The following ARHGAP20 variants were observed in gnomAD, a reference collection of about 807,000 sequenced individuals.
ARHGAP20 encodes rho GTPase-activating protein 20.
In ARHGAP20, 34 loss-of-function variants were observed where a neutral mutation model predicts 73.7. That is an observed-to-expected ratio of 0.46 (90% CI 0.35 to 0.61). The LOEUF is 0.61. Ranked by LOEUF, ARHGAP20 falls within the 20% of genes least tolerant of loss-of-function variation. ARHGAP20 has a pLI of 0.00. For synonymous variants in ARHGAP20, 523 were observed against 518.2 expected, an observed-to-expected ratio of 1.01 and a Z score of -0.13; for missense variants, 1,314 against 1,420.9, an observed-to-expected ratio of 0.92 and a Z score of 1.21.
chr11:110,709,570 G>C lies in ARHGAP20; in HGVS notation c.105+2557C>G, dbSNP rs561265406. On this transcript the variant is annotated intron_variant, in intron 1 of 14. Coordinates refer to ENST00000683387, the MANE Select transcript of ARHGAP20 (RefSeq NM_001384657.1). ...GGTAGTCAATGGCAGGCCTCTGCTA[G>C]AACCTACGATCTGACAATAATATGA... is the stretch of plus-strand genomic sequence containing the variant. Among the ~76,000 whole-genome samples, 4 of 152,300 alleles carry C rather than the reference G, an allele frequency of 2.6e-5. 1 individual carries two copies. Among genetic ancestry groups the C allele is most frequent in the African/African-American group, 9.6e-5 (4 of 41,570 alleles).
At chr11:110,616,507 A>G (rs4937997) in intron 4 of ARHGAP20, among the ~76,000 whole-genome samples, 50,415 of 151,912 alleles carry the variant, frequency 0.33, 8,916 homozygotes, top group African/African-American at 0.44. Flanking sequence ...TTGAGTAGTT[A>G]GGGCTACAGA....
chr11:110,593,127 G>C (rs1199094049), intron 9 of ARHGAP20, among the ~76,000 whole-genome samples: 2 of 152,130 alleles, frequency 1.3e-5, no homozygotes, highest in Non-Finnish European at 2.9e-5. Flanking sequence ...ATCTGGCATA[G>C]TGCCTTCCAT....
chr11:110,601,967 A>G (rs1948121317), intron 9 of ARHGAP20, among the ~76,000 whole-genome samples: 1 of 148,360 alleles, frequency 6.7e-6, no homozygotes, highest in African/African-American at 2.6e-5. Flanking sequence ...GGCGATAAGA[A>G]TGAGACTTTT....
chr11:110,577,919 T>TAAGA lies in ARHGAP20; in HGVS notation c.*1447_*1450dup, dbSNP rs1339720822. 1 of 985,584 alleles carries TAAGA rather than the reference T, an allele frequency of 1.0e-6. No homozygotes were observed. The highest frequency in any genetic ancestry group is 1.7e-5 in the African/African-American group (1 of 57,226). The allele number at this position is 985,584 out of a possible 1,614,324, so 61.1% of individuals were successfully genotyped here. On this transcript the variant is annotated 3_prime_UTR_variant, in exon 15 of 15. Coordinates refer to ENST00000683387, the MANE Select transcript of ARHGAP20 (RefSeq NM_001384657.1). The stretch of plus-strand genomic sequence containing the variant: ...GATATGACCATTTTCTGGTGATTAA[T>TAAGA]AAGACAAATAATTTGGAATAAGCTA...
At position 110,577,543 on chromosome 11, in the gene ARHGAP20, G is replaced by T. The variant is rs1181626282; in HGVS notation, c.*1827C>A. On this transcript the variant is annotated 3_prime_UTR_variant, in exon 15 of 15. Transcript: ENST00000683387. ...TTAAGAGCTTCATTCACATCTTGCA[G>T]TTCTGACTGACAGTAGTATGCCCTA... 1.0e-6 allele frequency: 1 copy of T among 991,908 alleles called. No individual in the cohort carries two copies. Among genetic ancestry groups the T allele is most frequent in the Admixed American group, 6.1e-5 (1 of 16,380 alleles). 61.4% of individuals were successfully genotyped at this position (991,908 alleles called of 1,614,324 possible).
At position 110,606,002 on chromosome 11, in the gene ARHGAP20, T is replaced by C. The variant is rs1478377087; in HGVS notation, c.964+559A>G. Among the ~76,000 whole-genome samples the C allele has an allele frequency of 2.0e-5, 3 of 152,370 alleles. No individual in the cohort carries two copies. In the East Asian group the frequency reaches 5.8e-4, roughly 29 times the overall value. On this transcript the variant is annotated intron_variant, in intron 9 of 14. Transcript: ENST00000683387. ...TGGGTTAGGGCAAATTACAGTTCTC[T>C]TATATTGAAGATCACTTTTATCATT...
At chr11:110,711,937 G>A (rs571981638) in intron 1 of ARHGAP20, 190 bp downstream of exon 1, 126 of 1,254,264 alleles carry the variant, frequency 1.0e-4, no homozygotes, top group East Asian at 6.0e-4. Context: ...CGCTCTGCGG[G>A]AGGCGGCGGC....
chr11:110,585,032 T>TATAA (rs377538550), intron 12 of ARHGAP20, among the ~76,000 whole-genome samples: 1 of 146,476 alleles, frequency 6.8e-6, no homozygotes, highest in African/African-American at 2.6e-5. Flanking sequence ...TATGTGAATA[T>TATAA]ATGTGAATAT....
intron 2 of ARHGAP20, among the ~76,000 whole-genome samples, chr11:110,675,406 G>A (rs536479680): frequency 3.9e-5 from 6 of 152,250 alleles, no homozygotes; most frequent in South Asian, 4.1e-4. Context: ...TATATCATCC[G>A]TTGTCTCTGC....
intron 11 of ARHGAP20, among the ~76,000 whole-genome samples, chr11:110,587,830 T>G (rs1214725993): frequency 6.6e-6 from 1 of 152,220 alleles, no homozygotes; most frequent in African/African-American, 2.4e-5. Flanking sequence ...TGTTCTATTA[T>G]ATCTTCTAGC....
At chr11:110,592,830 A>T (rs977506774) in intron 9 of ARHGAP20, among the ~76,000 whole-genome samples, 2 of 152,204 alleles carry the variant, frequency 1.3e-5, no homozygotes, top group African/African-American at 4.8e-5. Context: ...CTTTCTTTGC[A>T]ACTGTAGACT....
At chr11:110,661,688 T>C (rs1178960018) in intron 2 of ARHGAP20, among the ~76,000 whole-genome samples, 1 of 152,104 alleles carries the variant, frequency 6.6e-6, no homozygotes, top group Non-Finnish European at 1.5e-5. Flanking sequence ...CTTTAAAATG[T>C]TTTACTTCAC....
intron 2 of ARHGAP20, among the ~76,000 whole-genome samples, chr11:110,641,186 G>A (rs886079012): frequency 1.3e-5 from 2 of 151,962 alleles, no homozygotes; most frequent in African/African-American, 4.8e-5. Flanking sequence ...AAAGACCAAG[G>A]AAAACATAAA....
rs189118289 is a variant in ARHGAP20 at position 110,631,052 on chromosome 11, A to G, written c.189-260T>C. The stretch of plus-strand genomic sequence containing the variant: ...GTATTTTACTATACTTGCTTTACCA[A>G]ATACCTATCCAACCATCCATTGAAT... On this transcript the variant is annotated intron_variant, in intron 2 of 14. Coordinates refer to ENST00000683387, the MANE Select transcript of ARHGAP20 (RefSeq NM_001384657.1). Among the ~76,000 whole-genome samples, 5 of 152,290 alleles carry G rather than the reference A, an allele frequency of 3.3e-5. No individual in the cohort carries two copies. The East Asian group carries it at 9.6e-4, about 29-fold the overall frequency.
At chr11:110,585,094 A>AAC (rs1376267144) in intron 12 of ARHGAP20, among the ~76,000 whole-genome samples, 2 of 150,164 alleles carry the variant, frequency 1.3e-5, no homozygotes, top group East Asian at 1.9e-4. Flanking sequence ...AATATATGTG[A>AAC]ATATATGAAT....
chr11:110,617,323 C>T (rs1456821237), intron 4 of ARHGAP20, among the ~76,000 whole-genome samples: 3 of 149,140 alleles, frequency 2.0e-5, no homozygotes, highest in East Asian at 2.0e-4. Context: ...AGTGCAATGG[C>T]GCAATCTTGG....
chr11:110,609,362 C>T (rs1425457503), intron 7 of ARHGAP20, among the ~76,000 whole-genome samples: 1 of 152,144 alleles, frequency 6.6e-6, no homozygotes, highest in Admixed American at 6.5e-5. Flanking sequence ...CTCCAACATG[C>T]CCCTGCAAAG....
chr11:110,610,806 A>C (rs1229879775), intron 7 of ARHGAP20, among the ~76,000 whole-genome samples: 2 of 152,148 alleles, frequency 1.3e-5, no homozygotes, highest in East Asian at 3.8e-4. Context: ...AATTTATCAG[A>C]GGTATTAGCC....
Position 110,636,769 on chromosome 11 carries a change from A to G in ARHGAP20, c.189-5977T>C, listed in dbSNP as rs1157283065. Among the ~76,000 whole-genome samples, 3 of 152,012 alleles carry G rather than the reference A, an allele frequency of 2.0e-5. No individual in the cohort carries two copies. In the East Asian group the frequency reaches 5.8e-4, roughly 29 times the overall value. On this transcript the variant is annotated intron_variant, in intron 2 of 14. Transcript: ENST00000683387. ...ACACAACTTTTGTGTTTTTTAATAC[A>G]ATATTAAAGTCTCCCATTTAAAAAT...
Sources: gnomAD v4.1 joint callset for allele counts (sites outside exome capture counted in the v4.1 genomes callset) on GRCh38, gnomAD v4.1.1 for gene constraint, MANE v1.5 for transcripts, NCBI Gene and HGNC (gene_info 2026-07-23, HGNC 2026-07-21) for gene names.